Variants in TENM3 observed in about 807,000 individuals in gnomAD.
TENM3 encodes the protein teneurin-3.
In TENM3, 63 loss-of-function variants were observed where a neutral mutation model predicts 255.1. The observed-to-expected ratio is 0.25, with a 90% confidence interval of 0.20 to 0.30. The LOEUF (loss-of-function observed/expected upper bound fraction) is 0.30. Among genes scored for constraint, TENM3 ranks in the 10% least tolerant of loss-of-function variants. The pLI is 1.00. For synonymous variants in TENM3, 1,306 were observed against 1,322.3 expected (o/e 0.99, Z 0.27); for missense variants, 2,929 against 3,461.1 (o/e 0.85, Z 3.86).
At chr4:182,661,192 A>ATTTTTTT (rs35208231) in intron 6 of TENM3, among the ~76,000 whole-genome samples, 9 of 88,596 alleles carry the variant, frequency 1.0e-4, no homozygotes, top group Non-Finnish European at 1.0e-4. Flanking sequence ...TTAAATTTTA[A>ATTTTTTT]TTTTTTTTTT....
chr4:181,921,290 TG>T, the TENM3 span, among the ~76,000 whole-genome samples: 1 of 152,214 alleles, frequency 6.6e-6, no homozygotes, highest in Non-Finnish European at 1.5e-5. Context: ...GGTAGCTTGA[TG>T]GGGATGGCAT....
the TENM3 span, among the ~76,000 whole-genome samples, chr4:182,115,102 A>G: frequency 6.6e-6 from 1 of 152,136 alleles, no homozygotes. Flanking sequence ...AATTGCCTGA[A>G]CCCAGGAGGC....
the TENM3 span, among the ~76,000 whole-genome samples, chr4:181,474,467 T>G: frequency 6.6e-6 from 1 of 152,072 alleles, no homozygotes; most frequent in Admixed American, 6.6e-5. Flanking sequence ...CTGGGCACGG[T>G]GACTCACGCC....
chr4:182,160,635 A>C (rs867322742), intron 1 of TENM3, among the ~76,000 whole-genome samples: 1 of 152,192 alleles, frequency 6.6e-6, no homozygotes, highest in African/African-American at 2.4e-5. Context: ...AAATCTAAAA[A>C]AGTCGAAATC....
intron 3 of TENM3, among the ~76,000 whole-genome samples, chr4:182,410,015 A>T (rs1222164227): frequency 1.3e-5 from 2 of 151,966 alleles, no homozygotes; most frequent in Non-Finnish European, 2.9e-5. Context: ...CTGGTAGAGA[A>T]GGGGTTTCAC....
chr4:181,522,676 T>G, the TENM3 span: 1 of 639,594 alleles, frequency 1.6e-6, no homozygotes, highest in Non-Finnish European at 3.0e-6. Context: ...CAGAATGATG[T>G]GGACATAGCT....
chr4:181,719,175 C>A, the TENM3 span, among the ~76,000 whole-genome samples: 5 of 151,298 alleles, frequency 3.3e-5, no homozygotes, highest in African/African-American at 1.2e-4. Context: ...CACTGCAGTC[C>A]GCAGTCCGGC....
intron 3 of TENM3, among the ~76,000 whole-genome samples, chr4:182,371,011 G>A (rs981889424): frequency 2.0e-5 from 3 of 152,024 alleles, no homozygotes; most frequent in Non-Finnish European, 4.4e-5. Context: ...TTAATATGAA[G>A]TTGAGACGTT....
chr4:181,731,806 C>A, the TENM3 span, among the ~76,000 whole-genome samples: 251 of 152,242 alleles, frequency 1.6e-3, 8 homozygotes, highest in East Asian at 0.041. Context: ...TCACCATGGT[C>A]CACTGTACTA....
chr4:182,725,260 A>G (rs1400190220), intron 13 of TENM3, among the ~76,000 whole-genome samples: 1 of 152,086 alleles, frequency 6.6e-6, no homozygotes, highest in Non-Finnish European at 1.5e-5. Context: ...GCCTGTCTTG[A>G]ATTACTGGGC....
chr4:182,105,812 C>T, the TENM3 span, among the ~76,000 whole-genome samples: 2 of 152,150 alleles, frequency 1.3e-5, no homozygotes, highest in African/African-American at 4.8e-5. Context: ...AAGCTCCCAT[C>T]CTTGACTTGG....
chr4:182,471,815 C>T (rs1206928008), intron 3 of TENM3, among the ~76,000 whole-genome samples: 1 of 152,108 alleles, frequency 6.6e-6, no homozygotes, highest in Non-Finnish European at 1.5e-5. Flanking sequence ...TCTTATTCAC[C>T]TGTTTTCTTA....
chr4:182,724,322 T>C (rs562371023), intron 13 of TENM3, among the ~76,000 whole-genome samples: 1 of 152,230 alleles, frequency 6.6e-6, no homozygotes, highest in Non-Finnish European at 1.5e-5. Context: ...GGCAAGTGGG[T>C]AATCAACTTA....
the TENM3 span, among the ~76,000 whole-genome samples, chr4:182,112,238 T>C: frequency 6.6e-6 from 1 of 152,138 alleles, no homozygotes; most frequent in East Asian, 1.9e-4. Flanking sequence ...AAATAGAGTA[T>C]AGCGCGCCCT....
chr4:182,512,904 T>C, intron 3 of TENM3, among the ~76,000 whole-genome samples: 1 of 152,214 alleles, frequency 6.6e-6, no homozygotes, highest in Non-Finnish European at 1.5e-5. Context: ...AGTTTATACG[T>C]CTATACTGGT....
chr4:182,620,971 G>C (rs1750069884), intron 4 of TENM3, among the ~76,000 whole-genome samples: 1 of 152,172 alleles, frequency 6.6e-6, no homozygotes, highest in Non-Finnish European at 1.5e-5. Context: ...CCTGAGGTCA[G>C]GAGATCGAGA....
chr4:181,939,190 T>C, the TENM3 span, among the ~76,000 whole-genome samples: 1 of 152,200 alleles, frequency 6.6e-6, no homozygotes, highest in African/African-American at 2.4e-5. Context: ...CTCCTTATTA[T>C]TATTGTTCTA....
intron 6 of TENM3, among the ~76,000 whole-genome samples, chr4:182,668,403 C>G (rs1450206136): frequency 6.6e-6 from 1 of 152,020 alleles, no homozygotes; most frequent in East Asian, 1.9e-4. Flanking sequence ...TTAATGTTTC[C>G]TAGGGATATG....
intron 1 of TENM3, among the ~76,000 whole-genome samples, chr4:182,297,337 T>C (rs1406278739): frequency 6.6e-6 from 1 of 152,226 alleles, no homozygotes; most frequent in Non-Finnish European, 1.5e-5. Context: ...GTCCACCCAA[T>C]ACTGAAATAA....
Sources: allele counts gnomAD v4.1 joint callset (sites outside exome capture counted in the v4.1 genomes callset), GRCh38; gene constraint gnomAD v4.1.1; transcripts MANE v1.5; gene names NCBI Gene and HGNC (gene_info 2026-07-23, HGNC 2026-07-21).